The following ATP9B variants were observed in gnomAD, a reference collection of about 807,000 sequenced individuals.
ATP9B encodes the protein probable phospholipid-transporting ATPase IIB.
A neutral mutation model predicts 146.1 loss-of-function variants in ATP9B; 110 were observed. The observed-to-expected ratio is 0.75, with a 90% CI of 0.65 to 0.88. ATP9B has a LOEUF of 0.88. Ranked by LOEUF, ATP9B falls within the 40% of genes least tolerant of loss-of-function variation. The probability of loss-of-function intolerance (pLI) is 0.00; values close to 1 mark genes in which losing one functional copy is unlikely to be tolerated. For synonymous variants in ATP9B, 604 were observed against 569.7 expected (o/e 1.06, Z -0.86); for missense variants, 1,499 against 1,496.4 (o/e 1.00, Z -0.03).
intron 8 of ATP9B, among the ~76,000 whole-genome samples, chr18:79,180,819 G>C (rs1417718037): frequency 6.6e-6 from 1 of 151,036 alleles, no homozygotes; most frequent in Non-Finnish European, 1.5e-5. Context: ...TTGAGACAGA[G>C]TCTCGCTCTG....
intron 7 of ATP9B, among the ~76,000 whole-genome samples, chr18:79,167,912 A>AG (rs35902230): frequency 0.56 from 85,407 of 152,028 alleles, 25,676 homozygotes; most frequent in African/African-American, 0.79. Context: ...GTTTGTCCCA[A>AG]GGTTGCCTGC....
chr18:79,207,426 A>G (rs2095544939), intron 10 of ATP9B, among the ~76,000 whole-genome samples: 2 of 152,196 alleles, frequency 1.3e-5, no homozygotes, highest in African/African-American at 2.4e-5. Flanking sequence ...TGACTGTGGA[A>G]CGGAAAAGTA....
At chr18:79,188,736 C>T (rs182839973) in intron 8 of ATP9B, among the ~76,000 whole-genome samples, 1 of 152,248 alleles carries the variant, frequency 6.6e-6, no homozygotes, top group East Asian at 1.9e-4. Context: ...AGTTTCTTCT[C>T]TCTTTTTCTA....
At chr18:79,159,354 A>G (rs1374664104) in intron 7 of ATP9B, among the ~76,000 whole-genome samples, 2 of 152,138 alleles carry the variant, frequency 1.3e-5, no homozygotes, top group Admixed American at 1.3e-4. Flanking sequence ...CTGCCTGATC[A>G]GCTTTACAGC....
chr18:79,371,233 A>G (rs1228143256), intron 26 of ATP9B, among the ~76,000 whole-genome samples: 2 of 152,034 alleles, frequency 1.3e-5, no homozygotes, highest in African/African-American at 4.8e-5. Flanking sequence ...TTATCTGGGC[A>G]TGGTGGCAGG....
chr18:79,132,784 G>T (rs1453220278), intron 5 of ATP9B, among the ~76,000 whole-genome samples: 1 of 152,134 alleles, frequency 6.6e-6, no homozygotes, highest in African/African-American at 2.4e-5. Context: ...ACAACATTTG[G>T]ACTGTGTCAT....
intron 2 of ATP9B, among the ~76,000 whole-genome samples, chr18:79,108,066 AT>A (rs1172736308): frequency 6.6e-6 from 1 of 152,042 alleles, no homozygotes; most frequent in Non-Finnish European, 1.5e-5. Flanking sequence ...AAGAGTGATG[AT>A]TTATAGCTGC....
chr18:79,290,498 AT>A (rs753004597), intron 13 of ATP9B, among the ~76,000 whole-genome samples: 17 of 152,154 alleles, frequency 1.1e-4, no homozygotes, highest in Non-Finnish European at 2.2e-4. Context: ...GAGTGACCCG[AT>A]TTTCCAGGTG....
At chr18:79,337,591 CTCCT>C (rs2096834745) in intron 19 of ATP9B, 142 bp downstream of exon 19, 8 of 1,173,148 alleles carry the variant, frequency 6.8e-6, no homozygotes, top group Non-Finnish European at 9.3e-6. Flanking sequence ...ACCAGCTCCC[CTCCT>C]TCCTTAGGGA....
chr18:79,173,346 AT>A (rs140431817), intron 7 of ATP9B, among the ~76,000 whole-genome samples: 4 of 149,396 alleles, frequency 2.7e-5, no homozygotes, highest in East Asian at 3.9e-4. Flanking sequence ...AGTCCAATTG[AT>A]TTTTTTTTAA....
intron 9 of ATP9B, 56 bp downstream of exon 9, chr18:79,193,319 C>G (rs1384498419): frequency 7.3e-7 from 1 of 1,379,254 alleles, no homozygotes; most frequent in African/African-American, 1.4e-5. Flanking sequence ...TTAAAAGTAG[C>G]AAACCTTTGA....
At chr18:79,347,365 C>T (rs2096895478) in intron 23 of ATP9B, among the ~76,000 whole-genome samples, 1 of 152,224 alleles carries the variant, frequency 6.6e-6, no homozygotes, top group Non-Finnish European at 1.5e-5. Context: ...ACAGAATTGT[C>T]TTGAAGCAGC....
intron 13 of ATP9B, among the ~76,000 whole-genome samples, chr18:79,295,650 C>G (rs988735602): frequency 1.3e-5 from 2 of 152,246 alleles, no homozygotes; most frequent in African/African-American, 4.8e-5. Context: ...ATACGTTACA[C>G]TCAGGTATCA....
chr18:79,356,479 C>G (rs2096953948), intron 25 of ATP9B, among the ~76,000 whole-genome samples: 1 of 152,200 alleles, frequency 6.6e-6, no homozygotes, highest in Admixed American at 6.5e-5. Context: ...CTAGGACCAA[C>G]CCAGATGTAA....
intron 7 of ATP9B, among the ~76,000 whole-genome samples, chr18:79,155,908 G>A (rs1365367958): frequency 4.6e-5 from 7 of 151,258 alleles, no homozygotes; most frequent in Non-Finnish European, 8.8e-5. Context: ...GACTACAGGC[G>A]CCCACCACCA....
At chr18:79,358,909 G>C (rs537866504) in intron 25 of ATP9B, among the ~76,000 whole-genome samples, 1,095 of 105,148 alleles carry the variant, frequency 0.01, 27 homozygotes, top group Admixed American at 0.018. Context: ...GAGGGGTGCT[G>C]TGGGTCTGGA....
In ATP9B at chr18:79,307,237, C is replaced by A; in HGVS notation, c.1773+3C>A. ...ACCAGGCTTCCAGCCCGGATGAGGTCAGTCAAAGCACAAAACCGTGGGAGC... is the reference window on the plus strand; with the variant it reads ...ACCAGGCTTCCAGCCCGGATGAGGTAAGTCAAAGCACAAAACCGTGGGAGC... On this transcript the variant is annotated splice_donor_region_variant and intron_variant, in intron 15 of 29. Coordinates refer to ENST00000426216, the MANE Select transcript of ATP9B (RefSeq NM_198531.5). 1 of 1,614,056 alleles carries A rather than the reference C, an allele frequency of 6.2e-7. No homozygotes were observed.
At chr18:79,223,719 T>C (rs970068957) in intron 11 of ATP9B, among the ~76,000 whole-genome samples, 1 of 152,210 alleles carries the variant, frequency 6.6e-6, no homozygotes, top group Non-Finnish European at 1.5e-5. Flanking sequence ...CACTTTGATA[T>C]GACAGCTGCT....
chr18:79,253,053 G>A (rs772514030), intron 11 of ATP9B, among the ~76,000 whole-genome samples: 13 of 152,204 alleles, frequency 8.5e-5, no homozygotes, highest in African/African-American at 2.4e-4. Flanking sequence ...GCTGCGCGCC[G>A]AGCAAGCTTC....
Sources: gnomAD v4.1 joint callset for allele counts (sites outside exome capture counted in the v4.1 genomes callset) on GRCh38, gnomAD v4.1.1 for gene constraint, MANE v1.5 for transcripts, NCBI Gene and HGNC (gene_info 2026-07-23, HGNC 2026-07-21) for gene names.